ADAMTSL1: variants seen among roughly 807,000 people sequenced by gnomAD.
The protein encoded by ADAMTSL1 is ADAMTS-like protein 1.
In ADAMTSL1, 126 loss-of-function variants were observed where a neutral mutation model predicts 201.8. The ratio of observed to expected loss-of-function variants is 0.62; its 90% confidence interval spans 0.54 to 0.72. The LOEUF is 0.72. ADAMTSL1 is among the 30% of genes least tolerant of loss of function. The pLI, the probability that ADAMTSL1 is intolerant of heterozygous loss-of-function variation, is 0.00. For synonymous variants in ADAMTSL1, 1,121 were observed against 903.4 expected (o/e 1.24, Z -4.32); for missense variants, 2,679 against 2,277.8 (o/e 1.18, Z -3.59).
chr9:18,243,731 T>A (rs1587384548), intron 2 of ADAMTSL1, among the ~76,000 whole-genome samples: 1 of 151,842 alleles, frequency 6.6e-6, no homozygotes, highest in East Asian at 1.9e-4. Flanking sequence ...AGACTTTCAG[T>A]CCCATCTTCT....
At chr9:18,537,988 G>GGAAGAA (rs111657328) in intron 3 of ADAMTSL1, among the ~76,000 whole-genome samples, 1 of 151,154 alleles carries the variant, frequency 6.6e-6, no homozygotes, top group African/African-American at 2.4e-5. Context: ...AGGAGGAAGA[G>GGAAGAA]GAAGAAGAAG....
chr9:18,607,202 C>T (rs978438228), intron 4 of ADAMTSL1, among the ~76,000 whole-genome samples: 4 of 152,126 alleles, frequency 2.6e-5, no homozygotes, highest in African/African-American at 9.7e-5. Context: ...TGATATGTAT[C>T]CCAGCCTGTG....
chr9:17,962,243 A>C (rs1183957081), intron 1 of ADAMTSL1, among the ~76,000 whole-genome samples: 1 of 152,116 alleles, frequency 6.6e-6, no homozygotes. Flanking sequence ...ATGAGACCAC[A>C]CTCTAAAACT....
intron 2 of ADAMTSL1, among the ~76,000 whole-genome samples, chr9:18,216,017 A>T (rs1466946084): frequency 6.6e-6 from 1 of 152,168 alleles, no homozygotes; most frequent in Non-Finnish European, 1.5e-5. Context: ...ATCTGTGATG[A>T]GTCCTCTTGT....
At chr9:18,840,567 G>A (rs1309258068) in intron 23 of ADAMTSL1, among the ~76,000 whole-genome samples, 1 of 152,112 alleles carries the variant, frequency 6.6e-6, no homozygotes, top group Non-Finnish European at 1.5e-5. Context: ...TTCCAATTCT[G>A]TGAAGAAAGT....
chr9:18,369,741 T>A (rs75641808), intron 2 of ADAMTSL1, among the ~76,000 whole-genome samples: 12,355 of 152,210 alleles, frequency 0.081, 699 homozygotes, highest in Middle Eastern at 0.14. Context: ...AGTCATGGAA[T>A]CAACCTAAGT....
intron 19 of ADAMTSL1, among the ~76,000 whole-genome samples, chr9:18,787,759 GT>G (rs926337738): frequency 1.7e-4 from 26 of 152,240 alleles, no homozygotes; most frequent in African/African-American, 5.8e-4. Flanking sequence ...CTATATGCTA[GT>G]TTTCCAATAA....
intron 23 of ADAMTSL1, among the ~76,000 whole-genome samples, chr9:18,871,137 T>C (rs1285503387): frequency 6.6e-6 from 1 of 152,204 alleles, no homozygotes; most frequent in Non-Finnish European, 1.5e-5. Flanking sequence ...TTTCACTACC[T>C]TTGGATTTTT....
At chr9:18,690,042 T>G (rs917154612) in intron 13 of ADAMTSL1, among the ~76,000 whole-genome samples, 16 of 152,210 alleles carry the variant, frequency 1.1e-4, no homozygotes, top group Non-Finnish European at 1.5e-5. Context: ...AAGGCAGCAG[T>G]AATATCTGGA....
intron 1 of ADAMTSL1, among the ~76,000 whole-genome samples, chr9:17,908,252 T>C (rs1247304064): frequency 2.0e-5 from 3 of 152,192 alleles, no homozygotes; most frequent in Non-Finnish European, 1.5e-5. Context: ...TCGTTCCTTG[T>C]CAGGGCTTCC....
At chr9:18,718,182 T>C (rs1391786605) in intron 14 of ADAMTSL1, 10 of 795,584 alleles carry the variant, frequency 1.3e-5, no homozygotes, top group Middle Eastern at 4.5e-4. Flanking sequence ...GTCATACTTA[T>C]TACCAACAAG....
chr9:18,852,226 G>C (rs746543579), intron 23 of ADAMTSL1, among the ~76,000 whole-genome samples: 31 of 152,132 alleles, frequency 2.0e-4, no homozygotes, highest in Non-Finnish European at 4.6e-4. Context: ...GCATGACCTT[G>C]GGCAAATTAT....
At chr9:18,822,484 T>C (rs930988050) in intron 21 of ADAMTSL1, among the ~76,000 whole-genome samples, 1 of 152,178 alleles carries the variant, frequency 6.6e-6, no homozygotes, top group African/African-American at 2.4e-5. Context: ...TGGCAGGCGG[T>C]GTACACTTGT....
rs370678285 is a variant in ADAMTSL1, at chr9:18,907,086, G to A, written c.5182+174G>A. 2.4e-5 allele frequency: 16 copies of A among 673,910 alleles called. No individual in the cohort carries two copies. In the African/African-American group the frequency reaches 2.5e-4, roughly 11 times the overall value. The allele number at this position is 673,910 out of a possible 1,614,324, so 41.7% of individuals were successfully genotyped here. Reference sequence around the variant, plus strand: ...GGTGCATGGGTGTATGCAGAGAGGTGTATATAAGCATGACAGGGTATGCCC... The same window carrying A: ...GGTGCATGGGTGTATGCAGAGAGGTATATATAAGCATGACAGGGTATGCCC... On this transcript the variant is annotated intron_variant, in intron 28 of 28. Transcript: ENST00000380548.
At chr9:18,415,030 C>T (rs1255347332) in intron 2 of ADAMTSL1, among the ~76,000 whole-genome samples, 1 of 152,196 alleles carries the variant, frequency 6.6e-6, no homozygotes, top group Non-Finnish European at 1.5e-5. Context: ...CCTTGCCTGA[C>T]ATCTCAAAAG....
chr9:18,526,580 T>G (rs1459854209), intron 2 of ADAMTSL1, among the ~76,000 whole-genome samples: 3 of 152,230 alleles, frequency 2.0e-5, no homozygotes, highest in African/African-American at 7.2e-5. Context: ...CTGTTGCCAG[T>G]TGTTCCTTTC....
At chr9:18,275,366 AC>A (rs1403199664) in intron 2 of ADAMTSL1, among the ~76,000 whole-genome samples, 2 of 152,206 alleles carry the variant, frequency 1.3e-5, no homozygotes, top group African/African-American at 4.8e-5. Context: ...TTTTATATAT[AC>A]AATAAAATTA....
chr9:18,325,209 A>T (rs549575390), intron 2 of ADAMTSL1, among the ~76,000 whole-genome samples: 2 of 152,318 alleles, frequency 1.3e-5, no homozygotes, highest in African/African-American at 4.8e-5. Flanking sequence ...ACATACACCT[A>T]CCCTATGACC....
intron 3 of ADAMTSL1, among the ~76,000 whole-genome samples, chr9:18,561,292 C>G (rs1821479089): frequency 6.6e-6 from 1 of 152,134 alleles, no homozygotes; most frequent in African/African-American, 2.4e-5. Context: ...ATTATTTACC[C>G]AGTAGTCATT....
Sources: allele counts gnomAD v4.1 joint callset (sites outside exome capture counted in the v4.1 genomes callset), GRCh38; gene constraint gnomAD v4.1.1; transcripts MANE v1.5; gene names NCBI Gene and HGNC (gene_info 2026-07-23, HGNC 2026-07-21).